The following CEP128 variants were observed in gnomAD, a reference collection of about 807,000 sequenced individuals.
CEP128 encodes the protein centrosomal protein 128kDa.
In CEP128, 132 loss-of-function variants were observed where a neutral mutation model predicts 156.7. The observed-to-expected ratio is 0.84, with a 90% CI of 0.73 to 0.97. CEP128 has a LOEUF of 0.97. CEP128 is among the 50% of genes least tolerant of loss of function. The pLI, the probability that CEP128 is intolerant of heterozygous loss-of-function variation, is 0.00. For synonymous variants in CEP128, 469 were observed against 448.9 expected, an observed-to-expected ratio of 1.04 and a Z score of -0.57; for missense variants, 1,252 against 1,281.9, an observed-to-expected ratio of 0.98 and a Z score of 0.36.
chr14:80,734,052 G>A (rs987348539), intron 19 of CEP128, among the ~76,000 whole-genome samples: 2 of 152,066 alleles, frequency 1.3e-5, no homozygotes, highest in Admixed American at 1.3e-4. Context: ...TGCTGGAATG[G>A]CTATGCTCAT....
chr14:80,684,169 A>T (rs755213511), intron 19 of CEP128, among the ~76,000 whole-genome samples: 5 of 152,162 alleles, frequency 3.3e-5, no homozygotes, highest in Non-Finnish European at 7.4e-5. Context: ...GTTTTTTGAA[A>T]GGATACACAA....
At chr14:80,628,162 T>G (rs956661273) in intron 19 of CEP128, among the ~76,000 whole-genome samples, 4 of 152,230 alleles carry the variant, frequency 2.6e-5, no homozygotes, top group Non-Finnish European at 4.4e-5. Flanking sequence ...ATTTGAATAG[T>G]AAGTAGATGA....
chr14:80,601,246 A>C (rs1892569605), intron 19 of CEP128, among the ~76,000 whole-genome samples: 1 of 152,180 alleles, frequency 6.6e-6, no homozygotes. Flanking sequence ...GTAAGTATAT[A>C]AGTCGTGCAT....
intron 19 of CEP128, among the ~76,000 whole-genome samples, chr14:80,732,346 A>C (rs1297363630): frequency 2.0e-5 from 3 of 152,234 alleles, no homozygotes; most frequent in East Asian, 3.9e-4. Flanking sequence ...AAATGGTAGG[A>C]CTTTTGTAAC....
chr14:80,491,656 C>T (rs1329310280), downstream of CEP128, among the ~76,000 whole-genome samples: 1 of 152,146 alleles, frequency 6.6e-6, no homozygotes, highest in Admixed American at 6.6e-5. Flanking sequence ...AAGCACAGGG[C>T]ACCCCGGCTG....
At chr14:80,646,485 A>C (rs1216666045) in intron 19 of CEP128, among the ~76,000 whole-genome samples, 1 of 152,108 alleles carries the variant, frequency 6.6e-6, no homozygotes, top group Non-Finnish European at 1.5e-5. Flanking sequence ...AGTGAAGGTC[A>C]GATTGGGCAA....
chr14:80,705,851 A>G (rs1033555216), intron 19 of CEP128, among the ~76,000 whole-genome samples: 4 of 152,106 alleles, frequency 2.6e-5, no homozygotes, highest in Non-Finnish European at 5.9e-5. Flanking sequence ...AGACGAATCA[A>G]TTTTTCAGGT....
chr14:80,858,758 A>G (rs1338830265), intron 9 of CEP128, among the ~76,000 whole-genome samples: 1 of 151,920 alleles, frequency 6.6e-6, no homozygotes, highest in South Asian at 2.1e-4. Context: ...ACACTTTTCA[A>G]AAGAAGACAT....
intron 19 of CEP128, among the ~76,000 whole-genome samples, chr14:80,663,482 G>A (rs1195680797): frequency 1.3e-5 from 2 of 151,994 alleles, no homozygotes; most frequent in Admixed American, 1.3e-4. Flanking sequence ...TGCCAGATAG[G>A]ATATAAAATG....
intron 3 of CEP128, 43 bp downstream of exon 3, chr14:80,916,357 CA>C: frequency 6.6e-7 from 1 of 1,513,464 alleles, no homozygotes; most frequent in South Asian, 1.1e-5. Context: ...TTAAGCAGCT[CA>C]AACTATTTAA....
At chr14:80,897,894 T>C (rs1214752681) in intron 7 of CEP128, among the ~76,000 whole-genome samples, 1 of 152,106 alleles carries the variant, frequency 6.6e-6, no homozygotes, top group East Asian at 1.9e-4. Flanking sequence ...CCTCCCACCT[T>C]AGCCTCCCAA....
chr14:80,894,238 C>CAA (rs750709719), intron 8 of CEP128, among the ~76,000 whole-genome samples: 46 of 151,880 alleles, frequency 3.0e-4, no homozygotes, highest in Non-Finnish European at 6.3e-4. Context: ...AGAACTTCAG[C>CAA]AGTTTCCTTT....
chr14:80,572,498 G>C (rs1244225864), intron 20 of CEP128, among the ~76,000 whole-genome samples: 1 of 152,134 alleles, frequency 6.6e-6, no homozygotes, highest in African/African-American at 2.4e-5. Context: ...CCCAAAGTTT[G>C]AGGTCTGTCT....
chr14:80,608,134 A>G (rs1347814363), intron 19 of CEP128, among the ~76,000 whole-genome samples: 1 of 152,240 alleles, frequency 6.6e-6, no homozygotes, highest in Non-Finnish European at 1.5e-5. Flanking sequence ...AAAACGATGT[A>G]AAGTCAGCAC....
At chr14:80,598,872 G>T (rs1227216717) in intron 19 of CEP128, among the ~76,000 whole-genome samples, 2 of 152,076 alleles carry the variant, frequency 1.3e-5, no homozygotes, top group Non-Finnish European at 2.9e-5. Flanking sequence ...TTTAAGAATG[G>T]AATGAGGGTG....
At chr14:80,784,743 G>T (rs950830452) in intron 15 of CEP128, 152 bp downstream of exon 15, 6 of 679,784 alleles carry the variant, frequency 8.8e-6, no homozygotes, top group Non-Finnish European at 1.2e-5. Flanking sequence ...CAACCTGGCC[G>T]AACAGGCATG....
At chr14:80,797,212 A>T (rs1883541812) in intron 13 of CEP128, among the ~76,000 whole-genome samples, 1 of 152,202 alleles carries the variant, frequency 6.6e-6, no homozygotes, top group African/African-American at 2.4e-5. Context: ...GGAGCACAGG[A>T]TTAACATATT....
intron 20 of CEP128, among the ~76,000 whole-genome samples, chr14:80,576,380 G>A (rs1309142696): frequency 2.6e-5 from 4 of 152,118 alleles, no homozygotes; most frequent in African/African-American, 4.8e-5. Flanking sequence ...TTTAAGAGGA[G>A]TAGCACACAA....
chr14:80,556,514 G>A (rs1362374750), intron 21 of CEP128, among the ~76,000 whole-genome samples: 3 of 152,152 alleles, frequency 2.0e-5, no homozygotes, highest in Non-Finnish European at 2.9e-5. Context: ...AAGAAAGAGA[G>A]GGAAAAGTTG....
Sources: allele counts gnomAD v4.1 joint callset (sites outside exome capture counted in the v4.1 genomes callset), GRCh38; gene constraint gnomAD v4.1.1; transcripts MANE v1.5; gene names NCBI Gene and HGNC (gene_info 2026-07-23, HGNC 2026-07-21).